The following AGBL4 variants were observed in gnomAD, a reference collection of about 807,000 sequenced individuals.
The protein encoded by AGBL4 is cytosolic carboxypeptidase 6.
In AGBL4, 58 loss-of-function variants were observed where a neutral mutation model predicts 66.4. The ratio of observed to expected loss-of-function variants is 0.87; its 90% CI spans 0.71 to 1.09. The LOEUF (loss-of-function observed/expected upper bound fraction) is 1.09. AGBL4 is among the 50% of genes least tolerant of loss of function. The probability of loss-of-function intolerance (pLI) is 0.00; values close to 1 mark genes in which losing one functional copy is unlikely to be tolerated. For missense variants in AGBL4, 579 were observed against 631.0 expected (o/e 0.92, Z 0.88); for synonymous variants, 234 against 222.9 (o/e 1.05, Z -0.44).
intron 11 of AGBL4, among the ~76,000 whole-genome samples, chr1:48,552,976 C>T (rs1175385349): frequency 1.3e-5 from 2 of 152,024 alleles, no homozygotes; most frequent in Admixed American, 6.6e-5. Flanking sequence ...CGAGATGCCT[C>T]TCCCTTCTCT....
chr1:49,288,270 C>T (rs1570349574), intron 3 of AGBL4, among the ~76,000 whole-genome samples: 4 of 146,962 alleles, frequency 2.7e-5, no homozygotes, highest in South Asian at 2.2e-4. Context: ...TGCTTGATGA[C>T]GAGTTAGTGG....
At chr1:49,532,412 G>A (rs527921882) in intron 3 of AGBL4, among the ~76,000 whole-genome samples, 4 of 152,180 alleles carry the variant, frequency 2.6e-5, no homozygotes, top group South Asian at 2.1e-4. Flanking sequence ...TTTTCACTAA[G>A]TAAAAAGTTA....
chr1:48,953,364 G>A (rs1211446017), intron 5 of AGBL4, among the ~76,000 whole-genome samples: 3 of 152,284 alleles, frequency 2.0e-5, no homozygotes, highest in African/African-American at 4.8e-5. Context: ...CACTAATGAT[G>A]TTGCAGGGCC....
At chr1:49,448,894 T>A (rs1015615386) in intron 3 of AGBL4, among the ~76,000 whole-genome samples, 1 of 152,100 alleles carries the variant, frequency 6.6e-6, no homozygotes, top group African/African-American at 2.4e-5. Flanking sequence ...TTTAAATATA[T>A]GATTAATACT....
intron 2 of AGBL4, among the ~76,000 whole-genome samples, chr1:49,790,717 G>C (rs1016716538): frequency 1.3e-5 from 2 of 152,158 alleles, no homozygotes; most frequent in Non-Finnish European, 2.9e-5. Context: ...CAAAAACAGA[G>C]GGGATTCAGT....
At chr1:48,613,128 C>T (rs946005647) in intron 9 of AGBL4, among the ~76,000 whole-genome samples, 6 of 150,314 alleles carry the variant, frequency 4.0e-5, no homozygotes, top group East Asian at 1.9e-4. Flanking sequence ...AGCAATACTC[C>T]GCCTCAAAAA....
chr1:49,056,297 T>C (rs1644307615), intron 4 of AGBL4, among the ~76,000 whole-genome samples: 2 of 151,898 alleles, frequency 1.3e-5, no homozygotes, highest in Admixed American at 6.6e-5. Flanking sequence ...ACTTAAATTC[T>C]AATGGGAAAG....
At chr1:49,885,079 A>C (rs1571801775) in intron 1 of AGBL4, among the ~76,000 whole-genome samples, 1 of 152,108 alleles carries the variant, frequency 6.6e-6, no homozygotes, top group East Asian at 1.9e-4. Flanking sequence ...CATATTGGTC[A>C]AAGTGAAGAA....
intron 3 of AGBL4, among the ~76,000 whole-genome samples, chr1:49,376,048 G>A (rs1315403805): frequency 6.6e-6 from 1 of 152,068 alleles, no homozygotes; most frequent in Non-Finnish European, 1.5e-5. Context: ...TATATTGTAT[G>A]AAAAGATTAA....
At chr1:49,471,376 TCTTAA>T (rs1161675502) in intron 3 of AGBL4, among the ~76,000 whole-genome samples, 1 of 151,978 alleles carries the variant, frequency 6.6e-6, no homozygotes, top group African/African-American at 2.4e-5. Context: ...TTGTTTTCAG[TCTTAA>T]CTTCTCAAAT....
intron 1 of AGBL4, among the ~76,000 whole-genome samples, chr1:49,875,550 C>CT (rs1378979137): frequency 6.8e-6 from 1 of 147,450 alleles, no homozygotes; most frequent in Admixed American, 6.8e-5. Context: ...TTAATCCAGT[C>CT]TATCATTGTT....
intron 6 of AGBL4, among the ~76,000 whole-genome samples, chr1:48,790,568 C>CA (rs749142972): frequency 9.9e-5 from 15 of 152,038 alleles, no homozygotes; most frequent in Non-Finnish European, 1.9e-4. Flanking sequence ...AAAACTGAGG[C>CA]CAGAAGGATG....
intron 2 of AGBL4, among the ~76,000 whole-genome samples, chr1:49,752,975 A>G (rs1416713583): frequency 6.6e-6 from 1 of 152,138 alleles, no homozygotes; most frequent in Non-Finnish European, 1.5e-5. Context: ...TGCACATGAG[A>G]TGGGTCTCCT....
chr1:49,941,333 C>G (rs1393926427), intron 1 of AGBL4, among the ~76,000 whole-genome samples: 1 of 152,096 alleles, frequency 6.6e-6, no homozygotes, highest in Non-Finnish European at 1.5e-5. Flanking sequence ...ATTTTACAAA[C>G]CTATTTTCTC....
At chr1:49,485,250 A>G (rs984323469) in intron 3 of AGBL4, among the ~76,000 whole-genome samples, 12 of 152,116 alleles carry the variant, frequency 7.9e-5, no homozygotes, top group African/African-American at 2.9e-4. Context: ...AATATGGCAT[A>G]TATACACCAT....
At chr1:49,226,168 T>G (rs996919538) in intron 4 of AGBL4, among the ~76,000 whole-genome samples, 1 of 152,174 alleles carries the variant, frequency 6.6e-6, no homozygotes, top group African/African-American at 2.4e-5. Context: ...AAAAGCAATC[T>G]ACTAGTGCCA....
chr1:49,200,329 C>T (rs747846364), intron 4 of AGBL4, among the ~76,000 whole-genome samples: 15 of 152,334 alleles, frequency 9.8e-5, no homozygotes, highest in South Asian at 4.1e-4. Context: ...TCTCATTCCA[C>T]AGAATGCTTT....
intron 2 of AGBL4, among the ~76,000 whole-genome samples, chr1:49,708,517 G>T (rs912868611): frequency 1.3e-5 from 2 of 151,970 alleles, no homozygotes; most frequent in African/African-American, 4.8e-5. Context: ...TAGCTCAGAA[G>T]AGTTTGTTAT....
intron 11 of AGBL4, among the ~76,000 whole-genome samples, chr1:48,557,916 T>C (rs565413735): frequency 2.1e-4 from 22 of 105,598 alleles, no homozygotes; most frequent in Admixed American, 1.4e-3. Context: ...TCCCATTAGA[T>C]TGTGAGCTCT....
Sources: allele counts gnomAD v4.1 joint callset (sites outside exome capture counted in the v4.1 genomes callset), GRCh38; gene constraint gnomAD v4.1.1; transcripts MANE v1.5; gene names NCBI Gene and HGNC (gene_info 2026-07-23, HGNC 2026-07-21).